Variants in BZW1 observed in about 807,000 individuals in gnomAD.
The protein encoded by BZW1 is eIF5-mimic protein 2.
In BZW1, 3 loss-of-function variants were observed where a neutral mutation model predicts 54.1. The ratio of observed to expected loss-of-function variants is 0.06; its 90% CI spans 0.03 to 0.14. The LOEUF (loss-of-function observed/expected upper bound fraction) is 0.14, where lower values mean the gene tolerates loss of function less well. Among genes scored for constraint, BZW1 ranks in the 10% least tolerant of loss-of-function variants. The probability of loss-of-function intolerance (pLI) is 1.00; values close to 1 mark genes in which losing one functional copy is unlikely to be tolerated. For missense variants in BZW1, 206 were observed against 491.7 expected (o/e 0.42, Z 5.50); for synonymous variants, 152 against 162.7 (o/e 0.93, Z 0.50).
rs952617071 is a variant in BZW1, at chr2:200,811,973, C to T, written c.-28C>T. 191 of 345,642 alleles carry T rather than the reference C, an allele frequency of 5.5e-4. No homozygotes were observed. Among genetic ancestry groups the T allele is most frequent in the Non-Finnish European group, 8.1e-4 (155 of 192,472 alleles). 21.4% of individuals were successfully genotyped at this position (345,642 alleles called of 1,614,324 possible). ...TACATCGGGGATTTCTGGCTCTTTC[C>T]TCTTCGCCTTAAATTCGGTGAGACG... On this transcript the variant is annotated 5_prime_UTR_variant, in exon 1 of 12. Coordinates refer to ENST00000409600, the MANE Select transcript of BZW1 (RefSeq NM_001207067.2).
chr2:200,826,819 G>A lies in BZW1; in HGVS notation c.*4641G>A, dbSNP rs1016810151. 2 of 152,216 alleles carry A rather than the reference G, an allele frequency of 1.3e-5. No homozygotes were observed. Among genetic ancestry groups the A allele is most frequent in the African/African-American group, 2.4e-5 (1 of 41,542 alleles). 9.4% of individuals were successfully genotyped at this position (152,216 alleles called of 1,614,324 possible). The stretch of plus-strand genomic sequence containing the variant: ...TGTAGTGCATTTGGGGTGCTACAAC[G>A]TTAATCAAATATAATTGAGCTGTTC... On this transcript the variant is annotated 3_prime_UTR_variant, in exon 12 of 12. Transcript: ENST00000409600.
At position 200,822,304 on chromosome 2, in the gene BZW1, AATTTT is replaced by A. The variant is rs1367542250; in HGVS notation, c.*133_*137del. 1.3e-5 allele frequency: 10 copies of A among 750,710 alleles called. No homozygotes were observed. The African/African-American group carries it at 1.6e-4, about 12-fold the overall frequency. 46.5% of individuals were successfully genotyped at this position (750,710 alleles called of 1,614,324 possible). A position where few individuals can be genotyped will look rare whatever the true frequency, so the allele number is the denominator to read the frequency against. On this transcript the variant is annotated 3_prime_UTR_variant, in exon 12 of 12. Transcript: ENST00000409600. ...GCATGATATAAGGGCTTTCATGGCA[AATTTT>A]ATTTTAACTGTTTCTATGGTTGCTG...
Position 200,824,389 on chromosome 2 carries a change from C to CT in BZW1, c.*2212dup, listed in dbSNP as rs1367489804. 6.6e-6 allele frequency: 1 copy of CT among 151,868 alleles called. No individual in the cohort carries two copies. Among genetic ancestry groups the CT allele is most frequent in the African/African-American group, 2.4e-5 (1 of 41,390 alleles). The allele number at this position is 151,868 out of a possible 1,614,324, so 9.4% of individuals were successfully genotyped here. On this transcript the variant is annotated 3_prime_UTR_variant, in exon 12 of 12. Transcript: ENST00000409600. Reference sequence around the variant, plus strand: ...ATGATTGGATAAATGTTTTTTCTAACTGTCAGTTTCTAAGGCTGTCTCCTT... The same window carrying CT: ...ATGATTGGATAAATGTTTTTTCTAACTTGTCAGTTTCTAAGGCTGTCTCCTT...
chr2:200,812,425 G>A, intron 1 of BZW1: 1 of 1,284,332 alleles, frequency 7.8e-7, no homozygotes, highest in Non-Finnish European at 9.8e-7. Flanking sequence ...GGGCGCCTGG[G>A]GCCCCGGCGC....
chr2:200,826,405 ATATT>A lies in BZW1; in HGVS notation c.*4229_*4232del, dbSNP rs2038698342. 1 of 48,736 alleles carries A rather than the reference ATATT, an allele frequency of 2.1e-5. No homozygotes were observed. Among genetic ancestry groups the A allele is most frequent in the African/African-American group, 8.6e-5 (1 of 11,682 alleles). The allele number at this position is 48,736 out of a possible 1,614,324, so 3.0% of individuals were successfully genotyped here. ...GATAGATAGATAGATAGATAGATAG[ATATT>A]TTTTTTTTTTTTTTTTTTTTTTTTT... On this transcript the variant is annotated 3_prime_UTR_variant, in exon 12 of 12. Transcript: ENST00000409600.
rs1231799775 is a variant in BZW1, at chr2:200,826,912, T to C, written c.*4734T>C. The C allele has an allele frequency of 6.6e-6, 1 of 151,818 alleles. No individual in the cohort carries two copies. Among genetic ancestry groups the C allele is most frequent in the East Asian group, 1.9e-4 (1 of 5,200 alleles). 9.4% of individuals were successfully genotyped at this position (151,818 alleles called of 1,614,324 possible). A position where few individuals can be genotyped will look rare whatever the true frequency, so the allele number is the denominator to read the frequency against. ...CAAGCTAGGAGCTAGTTCATGCTAA[T>C]ATTCTTAAGGACAAAAATAGTTTAC... On this transcript the variant is annotated 3_prime_UTR_variant, in exon 12 of 12. Coordinates refer to ENST00000409600, the MANE Select transcript of BZW1 (RefSeq NM_001207067.2).
At chr2:200,818,637 T>C in intron 8 of BZW1, 118 bp from the exon 9 acceptor site, 2 of 1,174,614 alleles carry the variant, frequency 1.7e-6, no homozygotes, top group Non-Finnish European at 2.4e-6. Flanking sequence ...GGTACACATG[T>C]GGTTGCCAGT....
chr2:200,817,943 C>T (rs749716700), intron 6 of BZW1, 31 bp from the exon 7 acceptor site: 2 of 1,452,164 alleles, frequency 1.4e-6, no homozygotes, highest in South Asian at 1.2e-5. Flanking sequence ...AGGGAAGGTA[C>T]TTCTGTTAAT....
intron 10 of BZW1, 116 bp from the exon 11 acceptor site, chr2:200,821,067 T>G: frequency 1.6e-6 from 2 of 1,233,706 alleles, no homozygotes; most frequent in Non-Finnish European, 1.1e-6. Context: ...TTCTCATGGA[T>G]GTTTTTAGCT....
intron 2 of BZW1, 60 bp downstream of exon 2, chr2:200,813,341 C>G: frequency 1.4e-6 from 2 of 1,454,444 alleles, no homozygotes; most frequent in Non-Finnish European, 1.9e-6. Flanking sequence ...TGTATCTTGC[C>G]TTCTCTGACA....
intron 8 of BZW1, among the ~76,000 whole-genome samples, 154 bp downstream of exon 8, chr2:200,818,547 C>T (rs1412627428): frequency 6.6e-6 from 1 of 152,224 alleles, no homozygotes; most frequent in Non-Finnish European, 1.5e-5. Flanking sequence ...TATGCTTCTT[C>T]AGTGCCTGAC....
Position 200,821,236 on chromosome 2 carries a change from G to A in BZW1, c.1159G>A (p.Ala387Thr). 6.2e-7 allele frequency: 1 copy of A among 1,612,606 alleles called. No homozygotes were observed. The highest frequency in any genetic ancestry group is 8.5e-7 in the Non-Finnish European group (1 of 1,179,700). ...GAAGTGGTATAAAGATGCACATGTT[G>A]CAAAGGGGAAGAGTGTTTTCCTTGA... ...ILKWYKDAHV[A>T]KGKSVFLEQM... The change falls in exon 11 of 12, where the codon GCA (alanine) becomes ACA (threonine). Residue 387 changes from alanine to threonine, a missense_variant. Transcript: ENST00000409600.
chr2:200,819,095 A>G (rs939272556), intron 9 of BZW1, 194 bp downstream of exon 9: 2 of 670,132 alleles, frequency 3.0e-6, no homozygotes, highest in Admixed American at 8.1e-5. Flanking sequence ...CAGGTTAAAA[A>G]CAAGAATATG....
rs570908427 is a variant in BZW1, at chr2:200,816,204, C to T, written c.337-121C>T. The T allele has an allele frequency of 5.2e-6, 3 of 580,628 alleles. No homozygotes were observed. In the East Asian group the frequency reaches 9.1e-5, roughly 18 times the overall value. 36.0% of individuals were successfully genotyped at this position (580,628 alleles called of 1,614,324 possible). ...ATCTAACCTGGACATTCTTATGTGT[C>T]ACTAGGAATTCTTCTCAAGCTGGTT... is the stretch of plus-strand genomic sequence containing the variant. On this transcript the variant is annotated intron_variant, in intron 4 of 11. Coordinates refer to ENST00000409600, the MANE Select transcript of BZW1 (RefSeq NM_001207067.2).
In BZW1 at chr2:200,825,852, T is replaced by A. The variant is rs1430949777; in HGVS notation, c.*3674T>A. 1 of 152,236 alleles carries A rather than the reference T, an allele frequency of 6.6e-6. No homozygotes were observed. Among genetic ancestry groups the A allele is most frequent in the African/African-American group, 2.4e-5 (1 of 41,460 alleles). 9.4% of individuals were successfully genotyped at this position (152,236 alleles called of 1,614,324 possible). ...TTTTAGTGTACAGTGTTACTTAAAT[T>A]ACCAAATTACCTTTGTACAAATATT... On this transcript the variant is annotated 3_prime_UTR_variant, in exon 12 of 12. Coordinates refer to ENST00000409600, the MANE Select transcript of BZW1 (RefSeq NM_001207067.2).
chr2:200,826,154 A>G lies in BZW1; in HGVS notation c.*3976A>G, dbSNP rs929917931. 6.6e-6 allele frequency: 1 copy of G among 152,162 alleles called. No homozygotes were observed. The highest frequency in any genetic ancestry group is 1.5e-5 in the Non-Finnish European group (1 of 68,034). 9.4% of individuals were successfully genotyped at this position (152,162 alleles called of 1,614,324 possible). A position where few individuals can be genotyped will look rare whatever the true frequency, so the allele number is the denominator to read the frequency against. On this transcript the variant is annotated 3_prime_UTR_variant, in exon 12 of 12. Transcript: ENST00000409600. ...ATTGGCTTTTGTCCAAAAACTCTTA[A>G]GTGGATTAATATCTGAACAATCTTA...
intron 2 of BZW1, 144 bp downstream of exon 2, chr2:200,813,425 C>A: frequency 1.5e-6 from 1 of 666,270 alleles, no homozygotes; most frequent in Non-Finnish European, 2.5e-6. Flanking sequence ...ACTGCCATTT[C>A]ACATACACCT....
chr2:200,816,330 T>C lies in BZW1; in HGVS notation c.342T>C (p.Phe114=), dbSNP rs1294891590. 1 of 1,587,234 alleles carries C rather than the reference T, an allele frequency of 6.3e-7. No homozygotes were observed. Among genetic ancestry groups the C allele is most frequent in the Non-Finnish European group, 8.6e-7 (1 of 1,160,656 alleles). Residue 114 remains phenylalanine (F), a synonymous_variant, in exon 5 of 12, where the codon TTT becomes TTC. Transcript: ENST00000409600. ...TCATTTAATGTTCTTCATAGGTTTT[T>C]AACAAGTTAATCAGGCGCTACAAAT... ...LETMQAFAQV[F]NKLIRRYKYL...
chr2:200,818,692 GATGTGT>G, intron 8 of BZW1, 57 bp from the exon 9 acceptor site: 1 of 1,516,132 alleles, frequency 6.6e-7, no homozygotes, highest in Non-Finnish European at 8.8e-7. Context: ...GTCTAAACTT[GATGTGT>G]GAAGTATGTA....
Sources: gnomAD v4.1 joint callset for allele counts (sites outside exome capture counted in the v4.1 genomes callset) on GRCh38, gnomAD v4.1.1 for gene constraint, MANE v1.5 for transcripts, NCBI Gene and HGNC (gene_info 2026-07-23, HGNC 2026-07-21) for gene names.